The following NBPF12 variants were observed in gnomAD, a reference collection of about 807,000 sequenced individuals.
The protein encoded by NBPF12 is NBPF member 12, also known as NBPF family member NBPF12.
A neutral mutation model predicts 146.4 loss-of-function variants in NBPF12; 115 were observed. That is an observed-to-expected ratio of 0.79 (90% CI 0.68 to 0.92). The LOEUF (loss-of-function observed/expected upper bound fraction) is 0.92, where lower values mean the gene tolerates loss of function less well. Ranked by LOEUF, NBPF12 falls within the 40% of genes least tolerant of loss-of-function variation. The pLI is 0.00. For missense variants in NBPF12, 1,205 were observed against 1,326.8 expected (o/e 0.91, Z 1.43); for synonymous variants, 385 against 508.9 (o/e 0.76, Z 3.28).
intron 18 of NBPF12, among the ~76,000 whole-genome samples, chr1:146,978,221 A>G (rs1436558850): frequency 0.11 from 16,381 of 147,080 alleles, 968 homozygotes; most frequent in East Asian, 0.22. Flanking sequence ...CACCCTGTCA[A>G]TGCAATGGCT....
chr1:146,976,648 C>T (rs1657052014), intron 16 of NBPF12, among the ~76,000 whole-genome samples: 1 of 151,314 alleles, frequency 6.6e-6, no homozygotes, highest in Non-Finnish European at 1.5e-5. Flanking sequence ...GAGACAGCTG[C>T]CAAAGTCCAG....
At position 146,962,149 on chromosome 1, in the gene NBPF12, T is replaced by C. The variant is rs1182332864; in HGVS notation, c.176-12T>C. The C allele has an allele frequency of 5.3e-5, 86 of 1,608,702 alleles. No homozygotes were observed. The South Asian group carries it at 9.2e-4, about 17-fold the overall frequency. On this transcript the variant is annotated splice_polypyrimidine_tract_variant and intron_variant, in intron 4 of 33. Transcript: ENST00000617844. ...CCTTCCACTGAGGCAGGCGTGTCTG[T>C]CTTTTTCTCAGAGTATGAAGAGTGT...
intron 29 of NBPF12, 40 bp from the exon 33 acceptor site, chr1:146,991,073 T>C (rs1170663250): frequency 1.7e-6 from 1 of 594,820 alleles, no homozygotes; most frequent in Non-Finnish European, 2.9e-6. Flanking sequence ...TGGTTTCTGA[T>C]TCCCCCTGGC....
At chr1:146,972,798 G>A in exon 14 of NBPF12, 1 of 1,322,834 alleles carries the variant, frequency 7.6e-7, no homozygotes, top group Non-Finnish European at 1.1e-6. Flanking sequence ...GGTGGTATCA[G>A]CCGGCCCTTT....
chr1:146,974,299 A>G lies in NBPF12; in HGVS notation c.1802-440A>G, dbSNP rs1656852001. On this transcript the variant is annotated intron_variant, in intron 14 of 33. Coordinates refer to ENST00000617844, the Ensembl canonical transcript of NBPF12. ...ATCAAAGATTTTTAAAATCTTTCAC[A>G]TACTTGTCCTTGAAATTCCCAGTAA... is the stretch of plus-strand genomic sequence containing the variant. Among the ~76,000 whole-genome samples, 2 of 142,076 alleles carry G rather than the reference A, an allele frequency of 1.4e-5. 1 individual carries two copies. Among genetic ancestry groups the G allele is most frequent in the African/African-American group, 5.4e-5 (2 of 36,826 alleles). The allele number at this position is 142,076 out of a possible 152,430, so 93.2% of individuals were successfully genotyped here. A position where few individuals can be genotyped will look rare whatever the true frequency, so the allele number is the denominator to read the frequency against.
At chr1:146,975,310 A>G (rs1430924623) in intron 15 of NBPF12, among the ~76,000 whole-genome samples, 3 of 128,226 alleles carry the variant, frequency 2.3e-5, no homozygotes, top group African/African-American at 6.4e-5. Flanking sequence ...ATTTCTGTAC[A>G]TGGCTTTGTA....
chr1:146,942,466 G>A (rs1375969146), intron 1 of NBPF12, among the ~76,000 whole-genome samples: 5 of 151,572 alleles, frequency 3.3e-5, no homozygotes, highest in African/African-American at 1.2e-4. Context: ...ATTCACCACT[G>A]TATTCTCAGT....
At position 146,964,887 on chromosome 1, in the gene NBPF12, C is replaced by T. The variant is rs1656091959; in HGVS notation, c.567-6C>T. The T allele has an allele frequency of 3.2e-6, 5 of 1,575,494 alleles. No homozygotes were observed. Among genetic ancestry groups the T allele is most frequent in the Admixed American group, 1.7e-5 (1 of 59,916 alleles). ...TCTGTCATCTCTGTCCCACCTGGCT[C>T]ATCAGGGAGGTGCAGAAGGCTGAAG... On this transcript the variant is annotated splice_region_variant and splice_polypyrimidine_tract_variant and intron_variant, in intron 7 of 33. Transcript: ENST00000617844.
rs1446387149 is a variant in NBPF12, at chr1:146,969,121, G to A, written c.1092-261G>A. On this transcript the variant is annotated intron_variant, in intron 10 of 33. Transcript: ENST00000617844. ...AGGATGTCTTTTTGAAACGGAATTA[G>A]GAAGACACCTACTTTTGTTTACAGA... is the stretch of plus-strand genomic sequence containing the variant. 2.2e-3 allele frequency among the ~76,000 whole-genome samples: 339 copies of A among 151,298 alleles called. 7 individuals carry two copies. The highest frequency in any genetic ancestry group is 0.02 in the Admixed American group (308 of 15,196).
At chr1:146,948,151 C>T (rs1245957172), upstream of NBPF12, among the ~76,000 whole-genome samples, 1 of 151,962 alleles carries the variant, frequency 6.6e-6, no homozygotes, top group Non-Finnish European at 1.5e-5. Context: ...GCTGGGATTA[C>T]AGGCGCCTGC....
At chr1:146,962,814 G>T (rs1216825856) in intron 5 of NBPF12, among the ~76,000 whole-genome samples, 1 of 150,460 alleles carries the variant, frequency 6.6e-6, no homozygotes, top group Non-Finnish European at 1.5e-5. Context: ...CTGAAAGGAT[G>T]TCTTTTTGAA....
chr1:146,975,514 A>C (rs1363258102), intron 15 of NBPF12, among the ~76,000 whole-genome samples, 163 bp from the exon 19 acceptor site: 1 of 146,984 alleles, frequency 6.8e-6, no homozygotes, highest in Non-Finnish European at 1.5e-5. Flanking sequence ...CCTGTAAACC[A>C]TTTTCTATTC....
intron 2 of NBPF12, among the ~76,000 whole-genome samples, chr1:146,954,818 C>T (rs1222703430): frequency 1.5e-3 from 217 of 146,908 alleles, no homozygotes; most frequent in Non-Finnish European, 6.3e-4. Context: ...AGAGAGAATC[C>T]AGAAATAGAT....
rs1386314852 is a variant in NBPF12, at chr1:146,962,450, T to C, written c.278+187T>C. Among the ~76,000 whole-genome samples, 10 of 152,096 alleles carry C rather than the reference T, an allele frequency of 6.6e-5. No individual in the cohort carries two copies. The South Asian group carries it at 1.9e-3, about 28-fold the overall frequency. On this transcript the variant is annotated intron_variant, in intron 5 of 33. Coordinates refer to ENST00000617844, the Ensembl canonical transcript of NBPF12. The stretch of plus-strand genomic sequence containing the variant: ...TAATAAGTTCTGTGTTGCAGTTGTT[T>C]CTTAGAGCCTTGTTTTCTCTTTTTC...
At chr1:146,994,687 G>T (rs1658433171) in exon 34 of NBPF12, 10 of 1,525,172 alleles carry the variant, frequency 6.6e-6, no homozygotes, top group Non-Finnish European at 8.8e-6. Context: ...GGATGGGTCA[G>T]TGGGCATGGC....
chr1:146,945,585 C>T (rs1448742509), upstream of NBPF12, among the ~76,000 whole-genome samples: 1 of 150,476 alleles, frequency 6.6e-6, no homozygotes, highest in Non-Finnish European at 1.5e-5. Flanking sequence ...AGGATGCCAC[C>T]AAAACCTTGG....
intron 9 of NBPF12, among the ~76,000 whole-genome samples, chr1:146,967,874 T>A (rs1553885832): frequency 0.3 from 43,226 of 143,780 alleles, 7,388 homozygotes; most frequent in Admixed American, 0.42. Flanking sequence ...AACAGAAACT[T>A]CATTAGCATT....
intron 14 of NBPF12, among the ~76,000 whole-genome samples, chr1:146,973,208 C>A (rs1553886853): frequency 0.041 from 1,351 of 32,760 alleles, 50 homozygotes; most frequent in African/African-American, 0.12. Flanking sequence ...TTTCTGACAC[C>A]GGCACAGAAT....
At chr1:146,980,637 G>T (rs1340789155) in intron 19 of NBPF12, among the ~76,000 whole-genome samples, 2 of 151,806 alleles carry the variant, frequency 1.3e-5, no homozygotes, top group Non-Finnish European at 2.9e-5. Context: ...TGTTGAAGGT[G>T]CTGGAGAGGA....
Sources: allele counts gnomAD v4.1 joint callset (sites outside exome capture counted in the v4.1 genomes callset), GRCh38; gene constraint gnomAD v4.1.1; transcripts MANE v1.5; gene names NCBI Gene and HGNC (gene_info 2026-07-23, HGNC 2026-07-21).